Variants in DAP observed in about 807,000 individuals in gnomAD.
DAP encodes death associated protein.
In DAP, 8 loss-of-function variants were observed where a neutral mutation model predicts 13.8. The ratio of observed to expected loss-of-function variants is 0.58; its 90% CI spans 0.34 to 1.05. The LOEUF (loss-of-function observed/expected upper bound fraction) is 1.05, where lower values mean the gene tolerates loss of function less well. DAP is among the 50% of genes least tolerant of loss of function. The pLI, the probability that DAP is intolerant of heterozygous loss-of-function variation, is 0.03. For synonymous variants in DAP, 47 were observed against 47.5 expected (o/e 0.99, Z 0.04); for missense variants, 106 against 133.2 (o/e 0.80, Z 1.01).
intron 2 of DAP, 143 bp downstream of exon 2, chr5:10,748,032 C>A (rs2111384621): frequency 1.6e-6 from 1 of 629,826 alleles, no homozygotes; most frequent in Non-Finnish European, 2.8e-6. Context: ...CCCCTCCTCC[C>A]TGATTAGGAA....
chr5:10,696,376 G>T (rs999524378), intron 2 of DAP, among the ~76,000 whole-genome samples: 1 of 152,112 alleles, frequency 6.6e-6, no homozygotes, highest in African/African-American at 2.4e-5. Context: ...AGAAATCCCA[G>T]ACATTCTGCT....
chr5:10,691,277 G>A (rs5745263), intron 2 of DAP, among the ~76,000 whole-genome samples: 117 of 152,246 alleles, frequency 7.7e-4, no homozygotes, highest in Non-Finnish European at 1.5e-3. Flanking sequence ...GTGACAGAGC[G>A]TATGTTGTGT....
At chr5:10,693,372 A>G (rs888027248) in intron 2 of DAP, among the ~76,000 whole-genome samples, 9 of 152,236 alleles carry the variant, frequency 5.9e-5, no homozygotes, top group African/African-American at 2.2e-4. Flanking sequence ...ATGTACACAG[A>G]AGGCAGGGAC....
At chr5:10,760,935 C>A (rs1198835265) in intron 1 of DAP, 79 bp downstream of exon 1, 1 of 951,200 alleles carries the variant, frequency 1.1e-6, no homozygotes, top group African/African-American at 1.8e-5. Context: ...GCCCTCCCCG[C>A]GGAGCCCCCG....
intron 2 of DAP, among the ~76,000 whole-genome samples, chr5:10,685,191 G>GT (rs1738126096): frequency 6.6e-6 from 1 of 152,248 alleles, no homozygotes; most frequent in Non-Finnish European, 1.5e-5. Flanking sequence ...GAAACTTCAA[G>GT]TTTTACTAAG....
intron 2 of DAP, among the ~76,000 whole-genome samples, chr5:10,710,352 C>G (rs1307175481): frequency 1.3e-5 from 2 of 152,234 alleles, no homozygotes; most frequent in African/African-American, 4.8e-5. Context: ...TTATCTGACC[C>G]AAGCCACAGA....
intron 2 of DAP, among the ~76,000 whole-genome samples, chr5:10,745,174 T>C (rs1028208381): frequency 6.6e-6 from 1 of 152,018 alleles, no homozygotes; most frequent in Non-Finnish European, 1.5e-5. Context: ...GTGGTAAAAG[T>C]AAACTATTAC....
chr5:10,729,229 C>T (rs1247342769), intron 2 of DAP, among the ~76,000 whole-genome samples: 1 of 152,202 alleles, frequency 6.6e-6, no homozygotes, highest in Non-Finnish European at 1.5e-5. Flanking sequence ...TCATGCTCTG[C>T]TGTTCTGTAG....
chr5:10,697,001 A>T (rs374601108), intron 2 of DAP, among the ~76,000 whole-genome samples: 4 of 152,238 alleles, frequency 2.6e-5, no homozygotes, highest in African/African-American at 7.2e-5. Context: ...CAGAGAAGGT[A>T]ACTTTTAGGA....
intron 2 of DAP, among the ~76,000 whole-genome samples, chr5:10,703,435 C>A (rs1051685911): frequency 6.6e-6 from 1 of 152,064 alleles, no homozygotes; most frequent in Non-Finnish European, 1.5e-5. Flanking sequence ...CGCATGTGGG[C>A]AGGTCTTTGC....
At chr5:10,736,966 G>C (rs1281387729) in intron 2 of DAP, among the ~76,000 whole-genome samples, 1 of 152,218 alleles carries the variant, frequency 6.6e-6, no homozygotes, top group Non-Finnish European at 1.5e-5. Flanking sequence ...GCCAGTGCAG[G>C]GCTCTGTGGC....
intron 2 of DAP, among the ~76,000 whole-genome samples, chr5:10,718,622 G>C (rs951141875): frequency 6.6e-6 from 1 of 152,234 alleles, no homozygotes; most frequent in Non-Finnish European, 1.5e-5. Flanking sequence ...GGATCTTGGG[G>C]AATAACAGTG....
intron 2 of DAP, among the ~76,000 whole-genome samples, chr5:10,715,464 G>A (rs1738960329): frequency 6.6e-6 from 1 of 152,188 alleles, no homozygotes; most frequent in Admixed American, 6.5e-5. Flanking sequence ...GTAGAAGCCT[G>A]AGCTGCCGGG....
At chr5:10,687,717 A>G (rs1313717314) in intron 2 of DAP, among the ~76,000 whole-genome samples, 2 of 152,174 alleles carry the variant, frequency 1.3e-5, no homozygotes, top group Non-Finnish European at 2.9e-5. Context: ...ATAACAACAA[A>G]GGATATAGAA....
intron 2 of DAP, among the ~76,000 whole-genome samples, chr5:10,689,505 TTG>T (rs899614934): frequency 2.4e-4 from 37 of 152,192 alleles, no homozygotes; most frequent in African/African-American, 8.9e-4. Flanking sequence ...GATAGCTCCT[TTG>T]TGCTGAGTCA....
At chr5:10,723,504 C>T (rs369274773) in intron 2 of DAP, among the ~76,000 whole-genome samples, 42 of 152,292 alleles carry the variant, frequency 2.8e-4, no homozygotes, top group East Asian at 9.6e-4. Flanking sequence ...AAACTACTCT[C>T]GTGAAGCTCA....
At chr5:10,690,246 T>G (rs748881508) in intron 2 of DAP, among the ~76,000 whole-genome samples, 26 of 152,226 alleles carry the variant, frequency 1.7e-4, no homozygotes, top group Non-Finnish European at 3.2e-4. Flanking sequence ...GCAAACGTTC[T>G]TCCTAAAGAC....
intron 2 of DAP, among the ~76,000 whole-genome samples, chr5:10,745,231 C>A (rs1739870751): frequency 6.6e-6 from 1 of 152,128 alleles, no homozygotes; most frequent in African/African-American, 2.4e-5. Context: ...GCTGTTTTGG[C>A]AACTTACATC....
At chr5:10,738,442 C>T (rs571610293) in intron 2 of DAP, among the ~76,000 whole-genome samples, 9 of 152,338 alleles carry the variant, frequency 5.9e-5, no homozygotes, top group South Asian at 4.1e-4. Context: ...TGGGGAGTGT[C>T]GTGTACCTCC....
Sources: allele counts gnomAD v4.1 joint callset (sites outside exome capture counted in the v4.1 genomes callset), GRCh38; gene constraint gnomAD v4.1.1; transcripts MANE v1.5; gene names NCBI Gene and HGNC (gene_info 2026-07-23, HGNC 2026-07-21).